Variants in PPP2R2C observed in about 807,000 individuals in gnomAD.
The protein encoded by PPP2R2C is protein phosphatase 2, regulatory subunit B, gamma.
Under a neutral mutation model 45.3 loss-of-function variants are expected in PPP2R2C, and 10 were observed. That is an observed-to-expected ratio of 0.22 (90% CI 0.14 to 0.37). The LOEUF (loss-of-function observed/expected upper bound fraction) is 0.37. Ranked by LOEUF, PPP2R2C falls within the 10% of genes least tolerant of loss-of-function variation. PPP2R2C has a pLI of 1.00. For synonymous variants in PPP2R2C, 257 were observed against 245.4 expected, an observed-to-expected ratio of 1.05 and a Z score of -0.44; for missense variants, 308 against 619.7, an observed-to-expected ratio of 0.50 and a Z score of 5.34.
At chr4:6,452,383 T>C (rs955180514) in intron 1 of PPP2R2C, among the ~76,000 whole-genome samples, 14 of 152,138 alleles carry the variant, frequency 9.2e-5, no homozygotes, top group African/African-American at 3.4e-4. Flanking sequence ...CTCTCCACTC[T>C]TGGCTCACTG....
At chr4:6,394,768 G>T (rs115803230) in intron 1 of PPP2R2C, among the ~76,000 whole-genome samples, 2,018 of 152,346 alleles carry the variant, frequency 0.013, 22 homozygotes, top group Non-Finnish European at 0.021. Context: ...TCTCTGCTGG[G>T]GCTACAGCCA....
intron 1 of PPP2R2C, among the ~76,000 whole-genome samples, chr4:6,432,635 T>C (rs1182501605): frequency 3.9e-5 from 6 of 152,252 alleles, no homozygotes; most frequent in African/African-American, 1.4e-4. Context: ...CAAGGGCTTC[T>C]GGGACAACAC....
At chr4:6,561,169 T>C (rs188397415) in intron 1 of PPP2R2C, among the ~76,000 whole-genome samples, 1 of 152,300 alleles carries the variant, frequency 6.6e-6, no homozygotes, top group East Asian at 1.9e-4. Context: ...CTGCCATGGA[T>C]TGGGGCATCG....
intron 2 of PPP2R2C, among the ~76,000 whole-genome samples, chr4:6,380,727 C>T (rs1312333414): frequency 6.6e-6 from 1 of 152,022 alleles, no homozygotes; most frequent in Non-Finnish European, 1.5e-5. Context: ...GTGCACTCCC[C>T]CTACCACCGC....
chr4:6,548,885 C>T (rs556773464), intron 1 of PPP2R2C, among the ~76,000 whole-genome samples: 1 of 152,294 alleles, frequency 6.6e-6, no homozygotes, highest in Non-Finnish European at 1.5e-5. Context: ...GAGCCTCGCA[C>T]CTCCTTCTGC....
At position 6,479,014 on chromosome 4, in the gene PPP2R2C, A is replaced by G. The variant is rs371284807; in HGVS notation, c.49+56257T>C. ...GCACTGAGGGTCACATGGCCACGTG[A>G]CCTCAGCGGAGCGTGCAAGTACAGT... On this transcript the variant is annotated intron_variant, in intron 2 of 9. Transcript: ENST00000506140. Among the ~76,000 whole-genome samples, 350 of 152,310 alleles carry G rather than the reference A, an allele frequency of 2.3e-3. 1 individual carries two copies. The highest frequency in any genetic ancestry group is 0.017 in the South Asian group (80 of 4,818).
intron 4 of PPP2R2C, among the ~76,000 whole-genome samples, chr4:6,375,236 T>G (rs1204102567): frequency 6.6e-6 from 1 of 152,218 alleles, no homozygotes; most frequent in African/African-American, 2.4e-5. Context: ...GGCCAATGTA[T>G]TTAAACATTT....
intron 1 of PPP2R2C, among the ~76,000 whole-genome samples, chr4:6,560,286 T>C (rs1195810125): frequency 6.6e-6 from 1 of 152,248 alleles, no homozygotes; most frequent in African/African-American, 2.4e-5. Context: ...GGAACTTCTA[T>C]GTTCTTCTGG....
intron 1 of PPP2R2C, among the ~76,000 whole-genome samples, chr4:6,416,491 C>G (rs1718593324): frequency 2.0e-5 from 3 of 152,202 alleles, no homozygotes; most frequent in Middle Eastern, 3.2e-3. Flanking sequence ...GCACTTGCCA[C>G]CAGGGTCTCC....
At chr4:6,462,049 C>T (rs980435855) in intron 1 of PPP2R2C, among the ~76,000 whole-genome samples, 1 of 152,250 alleles carries the variant, frequency 6.6e-6, no homozygotes, top group African/African-American at 2.4e-5. Context: ...GGACAACTTG[C>T]CCAAGATCAC....
At chr4:6,419,239 G>A (rs564571141) in intron 1 of PPP2R2C, among the ~76,000 whole-genome samples, 163 of 152,260 alleles carry the variant, frequency 1.1e-3, no homozygotes, top group Middle Eastern at 3.4e-3. Flanking sequence ...CCAACGTGGT[G>A]AAACCCCATC....
At position 6,491,020 on chromosome 4, in the gene PPP2R2C, AC is replaced by A. The variant is rs927897085; in HGVS notation, c.49+44250del. ...AGACCTCTCCTGAACGCGGGGCACC[AC>A]CCCACGTAAACCCTCTGCCACAGCC... On this transcript the variant is annotated intron_variant, in intron 2 of 9. Transcript: ENST00000506140. Among the ~76,000 whole-genome samples the A allele has an allele frequency of 5.3e-4, 81 of 152,064 alleles. 1 individual carries two copies. Among genetic ancestry groups the A allele is most frequent in the African/African-American group, 1.8e-3 (76 of 41,476 alleles).
At chr4:6,346,519 T>C (rs895747100) in intron 6 of PPP2R2C, among the ~76,000 whole-genome samples, 3 of 152,302 alleles carry the variant, frequency 2.0e-5, no homozygotes, top group Admixed American at 1.3e-4. Flanking sequence ...GTGTGTTCAC[T>C]GTCTGTCTCC....
At chr4:6,512,554 A>G (rs868040738) in intron 2 of PPP2R2C, among the ~76,000 whole-genome samples, 433 of 33,654 alleles carry the variant, frequency 0.013, 1 homozygote, top group Non-Finnish European at 0.017. Flanking sequence ...GATGGTGGTG[A>G]TGGTGGTGGT....
At chr4:6,415,130 G>A (rs1017355159) in intron 1 of PPP2R2C, among the ~76,000 whole-genome samples, 7 of 152,204 alleles carry the variant, frequency 4.6e-5, no homozygotes, top group Non-Finnish European at 8.8e-5. Context: ...CATGCGCCTC[G>A]TCCGCATGCT....
upstream of PPP2R2C, among the ~76,000 whole-genome samples, chr4:6,476,746 T>C (rs1378491625): frequency 1.3e-5 from 2 of 152,252 alleles, no homozygotes; most frequent in East Asian, 3.8e-4. Flanking sequence ...AGGAATGTTT[T>C]CATAACTGCT....
intron 5 of PPP2R2C, among the ~76,000 whole-genome samples, chr4:6,356,889 C>G (rs1212091154): frequency 1.3e-5 from 2 of 151,498 alleles, no homozygotes; most frequent in Non-Finnish European, 1.5e-5. Context: ...CAGTGAGGTG[C>G]TGGGCAGGGA....
chr4:6,522,843 C>T (rs1418455679), intron 2 of PPP2R2C, among the ~76,000 whole-genome samples: 1 of 152,262 alleles, frequency 6.6e-6, no homozygotes, highest in South Asian at 2.1e-4. Flanking sequence ...GACAGACAAA[C>T]AGACAGACAC....
At chr4:6,416,520 C>T (rs1006282748) in intron 1 of PPP2R2C, among the ~76,000 whole-genome samples, 8 of 152,232 alleles carry the variant, frequency 5.3e-5, no homozygotes, top group African/African-American at 1.9e-4. Flanking sequence ...CTACCCCATA[C>T]CTCCAGTGGG....
Sources: gnomAD v4.1 joint callset for allele counts (sites outside exome capture counted in the v4.1 genomes callset) on GRCh38, gnomAD v4.1.1 for gene constraint, MANE v1.5 for transcripts, NCBI Gene and HGNC (gene_info 2026-07-23, HGNC 2026-07-21) for gene names.